The following MTMR3 variants were observed in gnomAD, a reference collection of about 807,000 sequenced individuals.
The protein encoded by MTMR3 is myotubularin related protein 3, also known as phosphatidylinositol-3,5-bisphosphate 3-phosphatase MTMR3.
In MTMR3, 32 loss-of-function variants were observed where a neutral mutation model predicts 132.4. That is an observed-to-expected ratio of 0.24 (90% CI 0.18 to 0.32). The LOEUF (loss-of-function observed/expected upper bound fraction) is 0.32. Ranked by LOEUF, MTMR3 falls within the 10% of genes least tolerant of loss-of-function variation. The probability of loss-of-function intolerance (pLI) is 1.00; values close to 1 mark genes in which losing one functional copy is unlikely to be tolerated. For missense variants in MTMR3, 1,216 were observed against 1,489.6 expected (o/e 0.82, Z 3.02); for synonymous variants, 556 against 550.3 (o/e 1.01, Z -0.14).
At chr22:29,943,877 G>A (rs758166308) in intron 1 of MTMR3, among the ~76,000 whole-genome samples, 1 of 150,182 alleles carries the variant, frequency 6.7e-6, no homozygotes, top group South Asian at 2.1e-4. Flanking sequence ...AGGCTGGAGT[G>A]TAGTAGCACG....
Position 30,023,000 on chromosome 22 carries a change from T to C in MTMR3, c.3425+303T>C, listed in dbSNP as rs1000060102. The C allele has an allele frequency of 1.1e-5, 5 of 440,510 alleles. No individual in the cohort carries two copies. In the Admixed American group the frequency reaches 1.9e-4, roughly 17 times the overall value. 27.3% of individuals were successfully genotyped at this position (440,510 alleles called of 1,614,324 possible). A position where few individuals can be genotyped will look rare whatever the true frequency, so the allele number is the denominator to read the frequency against. On this transcript the variant is annotated intron_variant, in intron 19 of 19. Transcript: ENST00000401950. ...TTCTTATTCTCAGCATAACATTTCT[T>C]CCCATTCAACATGGCTACTATGAGC...
At chr22:29,995,620 G>T (rs1259291459) in intron 7 of MTMR3, 1 of 152,150 alleles carries the variant, frequency 6.6e-6, no homozygotes, top group African/African-American at 2.4e-5. Context: ...AGGGACAAAG[G>T]CAGATAGGAA....
chr22:29,966,466 G>T (rs1031763962), intron 2 of MTMR3, among the ~76,000 whole-genome samples: 6 of 151,972 alleles, frequency 3.9e-5, no homozygotes, highest in African/African-American at 1.5e-4. Context: ...AAAGAATAGG[G>T]GTTATTTTCC....
intron 3 of MTMR3, among the ~76,000 whole-genome samples, chr22:29,971,608 C>T (rs924417916): frequency 6.6e-6 from 1 of 152,100 alleles, no homozygotes; most frequent in African/African-American, 2.4e-5. Context: ...TTTATAGAAG[C>T]AATTCCCTAC....
intron 2 of MTMR3, among the ~76,000 whole-genome samples, chr22:29,965,958 TTTAAA>T (rs142490974): frequency 0.29 from 44,338 of 151,894 alleles, 7,603 homozygotes; most frequent in East Asian, 0.6. Context: ...ACTTTGACTC[TTTAAA>T]TTAATTCTTC....
chr22:29,935,156 T>A (rs985642379), intron 1 of MTMR3, among the ~76,000 whole-genome samples: 6 of 152,206 alleles, frequency 3.9e-5, no homozygotes, highest in Admixed American at 3.9e-4. Context: ...TTCTATTTCT[T>A]TTGAGAGGTA....
chr22:29,954,792 C>T (rs1682371076), intron 1 of MTMR3, among the ~76,000 whole-genome samples: 1 of 152,168 alleles, frequency 6.6e-6, no homozygotes, highest in Non-Finnish European at 1.5e-5. Context: ...ACCATTTCTC[C>T]CCCAATTTAC....
chr22:30,005,653 C>T (rs895460666), intron 9 of MTMR3: 8 of 152,158 alleles, frequency 5.3e-5, no homozygotes, highest in Non-Finnish European at 1.0e-4. Context: ...CTACTTGTCT[C>T]CCAGGGAGGG....
At position 29,946,806 on chromosome 22, in the gene MTMR3, TCA is replaced by T. The variant is rs1373490965; in HGVS notation, c.-137-10229_-137-10228del. ...AGTGTGTCTTGAATTTGATGGCATC[TCA>T]GACTGAATAAAAGGTAAAATTTTAA... is the stretch of plus-strand genomic sequence containing the variant. On this transcript the variant is annotated intron_variant, in intron 1 of 19. Transcript: ENST00000401950. 2.6e-5 allele frequency among the ~76,000 whole-genome samples: 4 copies of T among 152,192 alleles called. No individual in the cohort carries two copies. The South Asian group carries it at 8.3e-4, about 32-fold the overall frequency.
intron 1 of MTMR3, among the ~76,000 whole-genome samples, chr22:29,933,643 T>C (rs1261908316): frequency 6.6e-6 from 1 of 152,084 alleles, no homozygotes; most frequent in East Asian, 1.9e-4. Flanking sequence ...ATTTTTGAAC[T>C]GAGAGGTACT....
chr22:29,919,876 A>T (rs898926860), intron 1 of MTMR3, among the ~76,000 whole-genome samples: 4 of 152,170 alleles, frequency 2.6e-5, no homozygotes, highest in African/African-American at 9.7e-5. Flanking sequence ...TCAACACAGT[A>T]TAAGTATTTT....
At chr22:29,935,013 TA>T (rs1240803373) in intron 1 of MTMR3, among the ~76,000 whole-genome samples, 1 of 152,234 alleles carries the variant, frequency 6.6e-6, no homozygotes, top group African/African-American at 2.4e-5. Context: ...TTGTGTGTAA[TA>T]TATTTTAACT....
At chr22:30,016,433 T>G (rs1161233777) in intron 14 of MTMR3, 95 bp from the exon 15 acceptor site, 1 of 1,396,538 alleles carries the variant, frequency 7.2e-7, no homozygotes, top group African/African-American at 1.4e-5. Flanking sequence ...ATTGAAGTGT[T>G]CTCAGGGATG....
chr22:29,964,932 G>C (rs536026071), intron 2 of MTMR3, among the ~76,000 whole-genome samples: 2 of 152,226 alleles, frequency 1.3e-5, no homozygotes, highest in African/African-American at 4.8e-5. Flanking sequence ...ATTCGGTACA[G>C]TTTAGCTACA....
intron 1 of MTMR3, among the ~76,000 whole-genome samples, chr22:29,901,472 T>C (rs746030836): frequency 6.6e-6 from 1 of 152,138 alleles, no homozygotes; most frequent in Non-Finnish European, 1.5e-5. Context: ...TTGAAAATTA[T>C]TTTTATTAAG....
intron 1 of MTMR3, among the ~76,000 whole-genome samples, chr22:29,941,110 C>T (rs1363381998): frequency 1.3e-5 from 2 of 150,332 alleles, no homozygotes; most frequent in Non-Finnish European, 2.9e-5. Context: ...ATTCTCTTTC[C>T]TATCACTAAA....
At chr22:29,893,589 G>A (rs2064838318) in intron 1 of MTMR3, among the ~76,000 whole-genome samples, 1 of 152,126 alleles carries the variant, frequency 6.6e-6, no homozygotes, top group Non-Finnish European at 1.5e-5. Flanking sequence ...ACTTTACAAT[G>A]AAGAAAATTA....
At chr22:30,007,631 C>CA (rs1241654180) in intron 10 of MTMR3, 1 of 559,034 alleles carries the variant, frequency 1.8e-6, no homozygotes, top group Admixed American at 3.2e-5. Context: ...CATGAAAGGA[C>CA]AACAGATACA....
intron 1 of MTMR3, among the ~76,000 whole-genome samples, chr22:29,906,876 G>A (rs1238289220): frequency 2.0e-5 from 3 of 151,552 alleles, no homozygotes; most frequent in Admixed American, 6.6e-5. Flanking sequence ...CCAGGAGTTC[G>A]AGACCAGCCT....
Sources: gnomAD v4.1 joint callset for allele counts (sites outside exome capture counted in the v4.1 genomes callset) on GRCh38, gnomAD v4.1.1 for gene constraint, MANE v1.5 for transcripts, NCBI Gene and HGNC (gene_info 2026-07-23, HGNC 2026-07-21) for gene names.